CTNNA1: variants seen among roughly 807,000 people sequenced by gnomAD.
CTNNA1 encodes the protein catenin alpha 1, also known as catenin alpha-1.
CTNNA1 carries 37 observed loss-of-function variants against 98.4 expected under a neutral mutation model. The observed-to-expected ratio is 0.38, with a 90% CI of 0.29 to 0.49. The LOEUF (loss-of-function observed/expected upper bound fraction) is 0.49. Ranked by LOEUF, CTNNA1 falls within the 20% of genes least tolerant of loss-of-function variation. The pLI, the probability that CTNNA1 is intolerant of heterozygous loss-of-function variation, is 0.95. For synonymous variants in CTNNA1, 404 were observed against 413.2 expected, an observed-to-expected ratio of 0.98 and a Z score of 0.27; for missense variants, 761 against 1,147.2, an observed-to-expected ratio of 0.66 and a Z score of 4.86.
intron 7 of CTNNA1, among the ~76,000 whole-genome samples, chr5:138,853,222 A>G (rs2149853747): frequency 6.6e-6 from 1 of 151,908 alleles, no homozygotes; most frequent in Middle Eastern, 3.4e-3. Flanking sequence ...GCTTGGGATT[A>G]TAGGCGTGAG....
chr5:138,881,348 G>A (rs1221254552), intron 7 of CTNNA1, among the ~76,000 whole-genome samples: 1 of 152,210 alleles, frequency 6.6e-6, no homozygotes, highest in Non-Finnish European at 1.5e-5. Flanking sequence ...TACATGTTCA[G>A]CTTAGGCAGA....
At chr5:138,890,254 T>C (rs1307705585) in intron 9 of CTNNA1, among the ~76,000 whole-genome samples, 1 of 152,128 alleles carries the variant, frequency 6.6e-6, no homozygotes, top group Non-Finnish European at 1.5e-5. Flanking sequence ...GTGTTTGGGT[T>C]GAGTGCTCCT....
Position 138,932,712 on chromosome 5 carries a change from G to A in CTNNA1, c.2433G>A (p.Gly811=). ...TCGGCGGGGAGCTTGTTGTCTCTGG[G>A]GTAAGCATTAGCTGAACAAAAAGAG... ...QNLGGELVVS[G]VDSAMSLIQA... The change falls in exon 17 of 18, where the codon GGG becomes GGA. Residue 811 remains glycine, a splice_region_variant and synonymous_variant. Transcript: ENST00000302763. 1 of 1,614,148 alleles carries A rather than the reference G, an allele frequency of 6.2e-7. No individual in the cohort carries two copies. The highest frequency in any genetic ancestry group is 8.5e-7 in the Non-Finnish European group (1 of 1,180,018).
At chr5:138,791,223 A>G (rs1047373059) in intron 3 of CTNNA1, among the ~76,000 whole-genome samples, 1 of 152,050 alleles carries the variant, frequency 6.6e-6, no homozygotes, top group Non-Finnish European at 1.5e-5. Flanking sequence ...GCAAACTTTG[A>G]TACTGCGAAT....
intron 1 of CTNNA1, among the ~76,000 whole-genome samples, chr5:138,776,489 C>T (rs889489785): frequency 1.9e-4 from 29 of 152,346 alleles, no homozygotes; most frequent in African/African-American, 5.1e-4. Context: ...ATCCTTTGCC[C>T]GCCTTTCCCC....
At chr5:138,931,986 C>T (rs1209218702) in intron 16 of CTNNA1, 5 of 985,598 alleles carry the variant, frequency 5.1e-6, no homozygotes, top group Non-Finnish European at 6.0e-6. Flanking sequence ...TGGAGCGAGA[C>T]AGGAACTGGG....
chr5:138,823,565 G>A (rs986111696), intron 5 of CTNNA1, among the ~76,000 whole-genome samples: 3 of 152,054 alleles, frequency 2.0e-5, no homozygotes, highest in Admixed American at 6.5e-5. Context: ...GAGGAGATAC[G>A]TGCTTGTCAG....
chr5:138,804,070 C>G (rs1757843472), intron 3 of CTNNA1, among the ~76,000 whole-genome samples: 2 of 152,194 alleles, frequency 1.3e-5, no homozygotes, highest in Non-Finnish European at 2.9e-5. Flanking sequence ...TTCTACCAAC[C>G]CTATTTTGTC....
intron 10 of CTNNA1, among the ~76,000 whole-genome samples, chr5:138,908,179 T>C (rs966048506): frequency 2.6e-4 from 40 of 152,138 alleles, no homozygotes; most frequent in Non-Finnish European, 2.9e-5. Context: ...GGGTTTCACC[T>C]TGTTGGTCAG....
intron 9 of CTNNA1, among the ~76,000 whole-genome samples, chr5:138,900,934 G>A (rs1757897237): frequency 1.3e-5 from 2 of 152,204 alleles, no homozygotes; most frequent in Admixed American, 6.5e-5. Context: ...TGGTTGTGGT[G>A]TCAGTCTTAG....
In CTNNA1 at chr5:138,885,925, A is replaced by G. The variant is rs550345282; in HGVS notation, c.1063-287A>G. ...AACCTTGAGTTAAAATATAAATTTA[A>G]TTTTTAAAAGCCAAACTTTAAGCAA... On this transcript the variant is annotated intron_variant, in intron 7 of 17. Coordinates refer to ENST00000302763, the MANE Select transcript of CTNNA1 (RefSeq NM_001903.5). Among the ~76,000 whole-genome samples the G allele has an allele frequency of 1.1e-3, 161 of 152,306 alleles. No homozygotes were observed. Among genetic ancestry groups the G allele is most frequent in the Admixed American group, 3.9e-3 (60 of 15,298 alleles).
intron 3 of CTNNA1, among the ~76,000 whole-genome samples, chr5:138,803,361 A>G (rs542422662): frequency 1.3e-5 from 2 of 152,100 alleles, no homozygotes; most frequent in South Asian, 4.2e-4. Context: ...TCACAATGTT[A>G]CGTAGGCTGG....
chr5:138,856,207 C>T (rs1241260505), intron 7 of CTNNA1, among the ~76,000 whole-genome samples: 1 of 152,218 alleles, frequency 6.6e-6, no homozygotes, highest in Non-Finnish European at 1.5e-5. Flanking sequence ...AGATTTCCAA[C>T]AGTGAAGCCA....
In CTNNA1 at chr5:138,810,206, T is replaced by C. The variant is rs1383495180; in HGVS notation, c.468+2T>C. On this transcript the variant is annotated splice_donor_variant, in intron 4 of 17. Coordinates refer to ENST00000302763, the MANE Select transcript of CTNNA1 (RefSeq NM_001903.5). LOFTEE classifies it high-confidence loss of function. ...AAATTACTTGTTCAGCTGAAAGTTGTAAGTATACAGGCCTATGTCTGTAAT... is the reference window on the plus strand; with the variant it reads ...AAATTACTTGTTCAGCTGAAAGTTGCAAGTATACAGGCCTATGTCTGTAAT... 6.2e-7 allele frequency: 1 copy of C among 1,613,666 alleles called. No homozygotes were observed. The highest frequency in any genetic ancestry group is 1.3e-5 in the African/African-American group (1 of 74,944).
chr5:138,928,258 C>T (rs963663797), intron 13 of CTNNA1, among the ~76,000 whole-genome samples: 4 of 152,152 alleles, frequency 2.6e-5, no homozygotes, highest in Non-Finnish European at 5.9e-5. Context: ...TGTTTCAAGT[C>T]AGTAGCTAAT....
chr5:138,903,211 TAGC>T (rs1391776356), intron 9 of CTNNA1, among the ~76,000 whole-genome samples: 1 of 152,204 alleles, frequency 6.6e-6, no homozygotes, highest in Non-Finnish European at 1.5e-5. Context: ...TTCTGATAGT[TAGC>T]AGTCTTATAG....
At chr5:138,852,081 AAAAT>A (rs1271197373) in intron 7 of CTNNA1, among the ~76,000 whole-genome samples, 5 of 152,290 alleles carry the variant, frequency 3.3e-5, no homozygotes, top group African/African-American at 9.6e-5. Flanking sequence ...AAAAAAATAA[AAAAT>A]AAATAAATAA....
chr5:138,801,493 C>T (rs1263521783), intron 3 of CTNNA1, among the ~76,000 whole-genome samples: 1 of 152,022 alleles, frequency 6.6e-6, no homozygotes, highest in Non-Finnish European at 1.5e-5. Flanking sequence ...GAACAAAATC[C>T]ACGTATAAAT....
chr5:138,863,852 T>G (rs1488752603), intron 7 of CTNNA1, among the ~76,000 whole-genome samples: 1 of 152,236 alleles, frequency 6.6e-6, no homozygotes, highest in Non-Finnish European at 1.5e-5. Flanking sequence ...GCTGATTGAT[T>G]GGGCTGGGCA....
Sources: allele counts gnomAD v4.1 joint callset (sites outside exome capture counted in the v4.1 genomes callset), GRCh38; gene constraint gnomAD v4.1.1; transcripts MANE v1.5; gene names NCBI Gene and HGNC (gene_info 2026-07-23, HGNC 2026-07-21).